Variants in RNF220 observed in about 807,000 individuals in gnomAD.
RNF220 encodes E3 ubiquitin-protein ligase RNF220.
Under a neutral mutation model 67.1 loss-of-function variants are expected in RNF220, and 7 were observed. The observed-to-expected ratio is 0.10, with a 90% CI of 0.06 to 0.20. The LOEUF (loss-of-function observed/expected upper bound fraction) is 0.20, where lower values mean the gene tolerates loss of function less well. RNF220 is among the 10% of genes least tolerant of loss of function. The pLI, the probability that RNF220 is intolerant of heterozygous loss-of-function variation, is 1.00. For missense variants in RNF220, 565 were observed against 740.3 expected (o/e 0.76, Z 2.75); for synonymous variants, 270 against 283.2 (o/e 0.95, Z 0.47).
At chr1:44,605,284 G>A (rs1299056775) in intron 2 of RNF220, among the ~76,000 whole-genome samples, 4 of 136,910 alleles carry the variant, frequency 2.9e-5, no homozygotes, top group South Asian at 4.6e-4. Flanking sequence ...GTGACAGAGT[G>A]AGACTCCGTC....
At chr1:44,454,465 C>CT (rs1375761453) in intron 2 of RNF220, among the ~76,000 whole-genome samples, 1 of 152,062 alleles carries the variant, frequency 6.6e-6, no homozygotes. Flanking sequence ...TTAAATCCCC[C>CT]TTTTTTTCCT....
chr1:44,541,913 G>A (rs1394031715), intron 2 of RNF220, among the ~76,000 whole-genome samples: 8 of 152,164 alleles, frequency 5.3e-5, no homozygotes, highest in African/African-American at 1.9e-4. Flanking sequence ...TTCCTCTTAA[G>A]AAAAATTTTA....
At chr1:44,497,727 C>G (rs1225304149) in intron 2 of RNF220, among the ~76,000 whole-genome samples, 1 of 152,198 alleles carries the variant, frequency 6.6e-6, no homozygotes, top group South Asian at 2.1e-4. Context: ...TCCATTCCCC[C>G]AAGTTCAACA....
chr1:44,445,851 AG>A (rs199707562), intron 2 of RNF220, among the ~76,000 whole-genome samples: 3,033 of 152,336 alleles, frequency 0.02, 50 homozygotes, highest in South Asian at 0.061. Flanking sequence ...AGCCATGGGA[AG>A]CCCCTTGAAG....
chr1:44,485,810 G>A (rs1656238719), intron 2 of RNF220, among the ~76,000 whole-genome samples: 1 of 152,170 alleles, frequency 6.6e-6, no homozygotes, highest in South Asian at 2.1e-4. Context: ...ATGGGAGTTA[G>A]CATATGCAGG....
intron 2 of RNF220, among the ~76,000 whole-genome samples, chr1:44,418,139 C>T (rs1254606841): frequency 6.6e-6 from 1 of 152,126 alleles, no homozygotes; most frequent in Non-Finnish European, 1.5e-5. Flanking sequence ...GGCGCCCACG[C>T]GACGTCGGGG....
At chr1:44,451,793 G>A (rs1046108459) in intron 2 of RNF220, among the ~76,000 whole-genome samples, 4 of 152,000 alleles carry the variant, frequency 2.6e-5, no homozygotes, top group Non-Finnish European at 5.9e-5. Flanking sequence ...GCGAATTTTT[G>A]TATTTTTGGT....
intron 2 of RNF220, among the ~76,000 whole-genome samples, chr1:44,413,368 G>A (rs1185003628): frequency 6.6e-6 from 1 of 152,176 alleles, no homozygotes; most frequent in Non-Finnish European, 1.5e-5. Context: ...CTCACTTTTA[G>A]GACTAGACAC....
At chr1:44,433,038 T>A (rs1173341609) in intron 2 of RNF220, among the ~76,000 whole-genome samples, 4 of 152,086 alleles carry the variant, frequency 2.6e-5, no homozygotes, top group Non-Finnish European at 5.9e-5. Flanking sequence ...CAAGTGATTC[T>A]CCTGCCTCAG....
At chr1:44,594,618 C>T (rs905299413) in intron 2 of RNF220, among the ~76,000 whole-genome samples, 22 of 151,560 alleles carry the variant, frequency 1.5e-4, no homozygotes, top group African/African-American at 4.9e-4. Context: ...ATTGCCCCAC[C>T]GCCCTGGCTC....
intron 2 of RNF220, among the ~76,000 whole-genome samples, chr1:44,437,236 A>G (rs1021150838): frequency 1.3e-5 from 2 of 152,344 alleles, no homozygotes; most frequent in East Asian, 3.9e-4. Flanking sequence ...GATTGCATAG[A>G]CACAGCTGTG....
intron 1 of RNF220, among the ~76,000 whole-genome samples, chr1:44,408,316 G>A (rs1244369746): frequency 6.6e-6 from 1 of 152,208 alleles, no homozygotes; most frequent in Admixed American, 6.5e-5. Flanking sequence ...GCCTGAACCC[G>A]GGTCCAAATC....
intron 2 of RNF220, among the ~76,000 whole-genome samples, chr1:44,495,223 TAAAC>T (rs1657229088): frequency 9.5e-6 from 1 of 105,364 alleles, no homozygotes; most frequent in Non-Finnish European, 2.1e-5. Context: ...AAAAAACAAA[TAAAC>T]AAATAAAACC....
At chr1:44,466,935 A>G (rs1572591505) in intron 2 of RNF220, among the ~76,000 whole-genome samples, 1 of 152,252 alleles carries the variant, frequency 6.6e-6, no homozygotes, top group Admixed American at 6.5e-5. Flanking sequence ...TTATGCACCT[A>G]ACATGGTCAA....
chr1:44,505,133 C>T (rs1016501588), intron 2 of RNF220, among the ~76,000 whole-genome samples: 1 of 152,216 alleles, frequency 6.6e-6, no homozygotes, highest in Non-Finnish European at 1.5e-5. Context: ...AGAGTTTGTC[C>T]CTCGTGCAGC....
At chr1:44,514,138 TC>T (rs1659265265) in intron 2 of RNF220, among the ~76,000 whole-genome samples, 2 of 152,226 alleles carry the variant, frequency 1.3e-5, no homozygotes, top group African/African-American at 2.4e-5. Context: ...AGTGTCTAAC[TC>T]CCACTCCAAA....
In RNF220 at chr1:44,521,876, GTGAA is replaced by G. The variant is rs144215370; in HGVS notation, c.626-92264_626-92261del. The stretch of plus-strand genomic sequence containing the variant: ...CAATTGATGTCTACTGAATGAATGA[GTGAA>G]TGAATGAATGAATGAATGAATGAAG... On this transcript the variant is annotated intron_variant, in intron 2 of 14. Coordinates refer to ENST00000361799, the MANE Select transcript of RNF220 (RefSeq NM_018150.4). Among the ~76,000 whole-genome samples the G allele has an allele frequency of 1.8e-3, 275 of 151,936 alleles. 1 individual carries two copies. Among genetic ancestry groups the G allele is most frequent in the African/African-American group, 4.5e-3 (188 of 41,450 alleles).
intron 2 of RNF220, among the ~76,000 whole-genome samples, chr1:44,416,300 G>C (rs779043174): frequency 3.2e-4 from 49 of 152,284 alleles, no homozygotes; most frequent in Non-Finnish European, 5.0e-4. Context: ...AAAATTTACG[G>C]ACCAATTACA....
chr1:44,407,638 T>C (rs1373512195), intron 1 of RNF220, among the ~76,000 whole-genome samples: 1 of 151,972 alleles, frequency 6.6e-6, no homozygotes, highest in Non-Finnish European at 1.5e-5. Context: ...GACACACACC[T>C]GTTCTGCGAG....
Sources: allele counts gnomAD v4.1 joint callset (sites outside exome capture counted in the v4.1 genomes callset), GRCh38; gene constraint gnomAD v4.1.1; transcripts MANE v1.5; gene names NCBI Gene and HGNC (gene_info 2026-07-23, HGNC 2026-07-21).